Variants in EFCAB6 observed in about 807,000 individuals in gnomAD.
EFCAB6 encodes EF-hand calcium binding domain 6, also known as EF-hand calcium-binding domain-containing protein 6.
In EFCAB6, 156 loss-of-function variants were observed where a neutral mutation model predicts 169.8. That is an observed-to-expected ratio of 0.92 (90% CI 0.81 to 1.05). The LOEUF (loss-of-function observed/expected upper bound fraction) is 1.05, where lower values mean the gene tolerates loss of function less well. Ranked by LOEUF, EFCAB6 falls within the 50% of genes least tolerant of loss-of-function variation. The probability of loss-of-function intolerance (pLI) is 0.00; values close to 1 mark genes in which losing one functional copy is unlikely to be tolerated. For synonymous variants in EFCAB6, 698 were observed against 676.4 expected, an observed-to-expected ratio of 1.03 and a Z score of -0.50; for missense variants, 1,800 against 1,829.1, an observed-to-expected ratio of 0.98 and a Z score of 0.29.
chr22:43,595,441 G>A (rs6006714), intron 23 of EFCAB6, among the ~76,000 whole-genome samples: 111,002 of 151,968 alleles, frequency 0.73, 40,693 homozygotes, highest in Admixed American at 0.8. Context: ...TTACAACTTT[G>A]GAGATGACAG....
chr22:43,618,321 G>A (rs1474597752), intron 20 of EFCAB6, among the ~76,000 whole-genome samples: 2 of 80,428 alleles, frequency 2.5e-5, no homozygotes, highest in African/African-American at 4.2e-5. Flanking sequence ...GGGAGACTTC[G>A]TCAGGAAGAC....
chr22:43,738,731 T>C (rs903799107), intron 6 of EFCAB6, among the ~76,000 whole-genome samples: 2 of 152,062 alleles, frequency 1.3e-5, no homozygotes, highest in Non-Finnish European at 2.9e-5. Context: ...TTTCCTAACC[T>C]CCAATTTCTC....
intron 11 of EFCAB6, 97 bp from the exon 12 acceptor site, chr22:43,683,952 T>C (rs2058096029): frequency 2.3e-6 from 2 of 873,734 alleles, no homozygotes; most frequent in Non-Finnish European, 3.7e-6. Flanking sequence ...CACAATACAG[T>C]AGAGCTTTCT....
intron 8 of EFCAB6, among the ~76,000 whole-genome samples, chr22:43,717,654 T>C (rs2059380486): frequency 6.6e-6 from 1 of 152,162 alleles, no homozygotes. Flanking sequence ...TTTCTACTGG[T>C]CAAATAGGCA....
intron 26 of EFCAB6, 46 bp from the exon 27 acceptor site, chr22:43,555,142 C>A: frequency 6.3e-7 from 1 of 1,598,008 alleles, no homozygotes; most frequent in Non-Finnish European, 8.6e-7. Flanking sequence ...AAATAATCGA[C>A]CACCTCTTGC....
intron 6 of EFCAB6, among the ~76,000 whole-genome samples, chr22:43,753,979 C>A (rs958730650): frequency 6.6e-6 from 1 of 152,306 alleles, no homozygotes; most frequent in East Asian, 1.9e-4. Flanking sequence ...ATTCCTAAGT[C>A]TTTTTCTCAG....
intron 24 of EFCAB6, among the ~76,000 whole-genome samples, chr22:43,589,280 C>CAA (rs1163346832): frequency 3.5e-4 from 28 of 80,940 alleles, no homozygotes; most frequent in Non-Finnish European, 5.0e-4. Context: ...GACTTCATGT[C>CAA]AAAAAAAAAA....
At chr22:43,646,284 T>G (rs2056151733) in intron 17 of EFCAB6, among the ~76,000 whole-genome samples, 1 of 152,184 alleles carries the variant, frequency 6.6e-6, no homozygotes, top group South Asian at 2.1e-4. Context: ...CTTTATGTTC[T>G]CTCTTGCTGA....
chr22:43,809,752 T>C (rs968673979), intron 1 of EFCAB6, among the ~76,000 whole-genome samples: 5 of 151,720 alleles, frequency 3.3e-5, no homozygotes, highest in African/African-American at 1.2e-4. Context: ...GGATTACAGG[T>C]GCCTGCCACC....
chr22:43,578,841 TACATGCAGGCATCATTCC>T (rs2050455455), intron 25 of EFCAB6, among the ~76,000 whole-genome samples: 1 of 150,914 alleles, frequency 6.6e-6, no homozygotes, highest in Admixed American at 6.6e-5. Flanking sequence ...CATCATTCCG[TACATGCAGGCATCATTCC>T]CTACACGCAG....
intron 27 of EFCAB6, among the ~76,000 whole-genome samples, chr22:43,546,608 C>CGTGA (rs1199890481): frequency 2.6e-5 from 4 of 152,112 alleles, no homozygotes; most frequent in African/African-American, 9.7e-5. Flanking sequence ...TGGTGGCTCA[C>CGTGA]GCCTGTAATC....
At chr22:43,660,146 T>A (rs1207777451) in intron 17 of EFCAB6, among the ~76,000 whole-genome samples, 1 of 152,248 alleles carries the variant, frequency 6.6e-6, no homozygotes, top group Non-Finnish European at 1.5e-5. Context: ...GAAGCTGGGA[T>A]GATCAAGCTG....
At chr22:43,805,543 C>T (rs114001392) in intron 2 of EFCAB6, among the ~76,000 whole-genome samples, 1 of 152,112 alleles carries the variant, frequency 6.6e-6, no homozygotes, top group African/African-American at 2.4e-5. Flanking sequence ...TAGCACAGGC[C>T]AGGAAAGGTA....
chr22:43,677,218 A>C (rs1426348046), intron 13 of EFCAB6, among the ~76,000 whole-genome samples: 2 of 152,208 alleles, frequency 1.3e-5, no homozygotes, highest in Non-Finnish European at 2.9e-5. Flanking sequence ...CAGTCAAAAG[A>C]AGCAAATGCT....
rs1252090215 is a variant in EFCAB6, at chr22:43,744,586, G to A, written c.508-8593C>T. Among the ~76,000 whole-genome samples the A allele has an allele frequency of 6.6e-6, 1 of 152,146 alleles. No homozygotes were observed. Among genetic ancestry groups the A allele is most frequent in the African/African-American group, 2.4e-5 (1 of 41,432 alleles). ...CTGCTCATCAGGGAAGGGGACCCAA[G>A]CAGCCAAAGGAAGTGAGCTGGACCA... On this transcript the variant is annotated intron_variant, in intron 6 of 31. Transcript: ENST00000262726. The surrounding 1 kb of genome is among the most constrained non-coding windows in gnomAD (Gnocchi z 4.3).
At chr22:43,541,534 G>A (rs976756899) in intron 27 of EFCAB6, among the ~76,000 whole-genome samples, 7 of 152,124 alleles carry the variant, frequency 4.6e-5, no homozygotes, top group Admixed American at 1.3e-4. Context: ...GTGCGGGTGC[G>A]GTCTGATGTC....
At position 43,699,400 on chromosome 22, in the gene EFCAB6, C is replaced by G. The variant is rs151036963; in HGVS notation, c.1032-11819G>C. ...TTCAGTAACTGCTCCCTTTCTTGCCCCCTCAGGCCTAGGAGGGATCCTGGC... is the reference window on the plus strand; with the variant it reads ...TTCAGTAACTGCTCCCTTTCTTGCCGCCTCAGGCCTAGGAGGGATCCTGGC... On this transcript the variant is annotated intron_variant, in intron 10 of 31. Transcript: ENST00000262726. 8.8e-3 allele frequency among the ~76,000 whole-genome samples: 1,333 copies of G among 152,252 alleles called. 19 individuals are homozygous for G. Among genetic ancestry groups the G allele is most frequent in the African/African-American group, 0.031 (1,288 of 41,544 alleles).
chr22:43,667,000 A>C, intron 17 of EFCAB6, 104 bp downstream of exon 17: 1 of 1,333,258 alleles, frequency 7.5e-7, no homozygotes, highest in Non-Finnish European at 1.0e-6. Context: ...CTAGAAATGG[A>C]TCTGCTGCGT....
rs575937416 is a variant in EFCAB6, at chr22:43,649,201, A to C, written c.1984-13985T>G. Among the ~76,000 whole-genome samples, 4 of 152,384 alleles carry C rather than the reference A, an allele frequency of 2.6e-5. No individual in the cohort carries two copies. In the South Asian group the frequency reaches 6.2e-4, roughly 24 times the overall value. Reference sequence around the variant, plus strand: ...AGAGCAGAGATAAATAATGATGTCCATCATAAGCACATAGGTTTTATAAAT... The same window carrying C: ...AGAGCAGAGATAAATAATGATGTCCCTCATAAGCACATAGGTTTTATAAAT... On this transcript the variant is annotated intron_variant, in intron 17 of 31. Transcript: ENST00000262726.
Sources: gnomAD v4.1 joint callset for allele counts (sites outside exome capture counted in the v4.1 genomes callset) on GRCh38, gnomAD v4.1.1 for gene constraint, Gnocchi (gnomAD v3.1) non-coding constraint, MANE v1.5 for transcripts, NCBI Gene and HGNC (gene_info 2026-07-23, HGNC 2026-07-21) for gene names.